The following IFT80 variants were observed in gnomAD, a reference collection of about 807,000 sequenced individuals.
The protein encoded by IFT80 is intraflagellar transport 80.
A neutral mutation model predicts 107.9 loss-of-function variants in IFT80; 79 were observed. That is an observed-to-expected ratio of 0.73 (90% CI 0.61 to 0.88). IFT80 has a LOEUF of 0.88. Among genes scored for constraint, IFT80 ranks in the 40% least tolerant of loss-of-function variants. The pLI is 0.00. For missense variants in IFT80, 797 were observed against 914.2 expected (o/e 0.87, Z 1.65); for synonymous variants, 299 against 300.9 (o/e 0.99, Z 0.07).
At chr3:160,326,648 T>A (rs1443108117) in intron 8 of IFT80, among the ~76,000 whole-genome samples, 1 of 152,010 alleles carries the variant, frequency 6.6e-6, no homozygotes, top group African/African-American at 2.4e-5. Context: ...AAACTCTCAA[T>A]AAACTAGGTA....
intron 2 of IFT80, among the ~76,000 whole-genome samples, chr3:160,382,193 G>A (rs1005214751): frequency 2.6e-5 from 4 of 152,086 alleles, no homozygotes; most frequent in East Asian, 1.9e-4. Flanking sequence ...AAATAATCAA[G>A]TGTCAAAACA....
At chr3:160,292,451 T>C (rs73875253) in intron 12 of IFT80, among the ~76,000 whole-genome samples, 2,172 of 150,892 alleles carry the variant, frequency 0.014, 52 homozygotes, top group African/African-American at 0.05. Context: ...CAAAGAGATA[T>C]AGATTCCTGC....
intron 9 of IFT80, among the ~76,000 whole-genome samples, chr3:160,312,749 A>AAT (rs1177860013): frequency 2.3e-5 from 1 of 43,076 alleles, no homozygotes; most frequent in East Asian, 9.2e-4. Flanking sequence ...ATAAATATAT[A>AAT]ATATATATAT....
At chr3:160,378,023 T>A (rs191281075) in intron 3 of IFT80, 1 of 152,832 alleles carries the variant, frequency 6.5e-6, no homozygotes, top group East Asian at 1.9e-4. Context: ...CTCTCTGACA[T>A]CTCTTATATA....
intron 19 of IFT80, among the ~76,000 whole-genome samples, chr3:160,259,398 T>A (rs920853685): frequency 6.6e-6 from 1 of 152,138 alleles, no homozygotes; most frequent in Non-Finnish European, 1.5e-5. Context: ...GCTTCACATC[T>A]TATATACTGC....
chr3:160,389,530 T>A (rs1391957493), intron 1 of IFT80, among the ~76,000 whole-genome samples: 3 of 133,590 alleles, frequency 2.2e-5, no homozygotes, highest in African/African-American at 8.5e-5. Context: ...CCTTCCTGTG[T>A]CCATGTGTTC....
At position 160,357,716 on chromosome 3, in the gene IFT80, T is replaced by G. The variant is rs1040173484; in HGVS notation, c.550-138A>C. On this transcript the variant is annotated intron_variant, in intron 6 of 19. Coordinates refer to ENST00000326448, the MANE Select transcript of IFT80 (RefSeq NM_020800.3). ...ATTCCTATCTTCCTTTTATAGCCAATGTACAATACCTCATTTGCTTGTTTC... is the reference window on the plus strand; with the variant it reads ...ATTCCTATCTTCCTTTTATAGCCAAGGTACAATACCTCATTTGCTTGTTTC... The G allele has an allele frequency of 4.9e-6, 3 of 618,512 alleles. No individual in the cohort carries two copies. The African/African-American group carries it at 5.6e-5, about 11-fold the overall frequency. 38.3% of individuals were successfully genotyped at this position (618,512 alleles called of 1,614,324 possible). A position where few individuals can be genotyped will look rare whatever the true frequency, so the allele number is the denominator to read the frequency against.
At chr3:160,294,877 C>T (rs1048445879) in intron 12 of IFT80, among the ~76,000 whole-genome samples, 2 of 152,094 alleles carry the variant, frequency 1.3e-5, no homozygotes, top group African/African-American at 4.8e-5. Context: ...AAGGCATACA[C>T]GCAAATAAGG....
intron 8 of IFT80, among the ~76,000 whole-genome samples, chr3:160,322,717 T>C (rs1718343459): frequency 2.0e-5 from 3 of 152,184 alleles, no homozygotes; most frequent in Non-Finnish European, 2.9e-5. Flanking sequence ...GACTTTTTAA[T>C]GATTGCCATT....
chr3:160,362,699 T>C (rs1721582042), intron 6 of IFT80, among the ~76,000 whole-genome samples: 2 of 152,108 alleles, frequency 1.3e-5, no homozygotes, highest in Non-Finnish European at 2.9e-5. Context: ...ATCCCTGGGA[T>C]GCAAGGGATT....
rs548291006 is a variant in IFT80, at chr3:160,297,299, T to C, written c.1315+3584A>G. Among the ~76,000 whole-genome samples the C allele has an allele frequency of 3.9e-5, 6 of 152,100 alleles. No individual in the cohort carries two copies. In the South Asian group the frequency reaches 1.2e-3, roughly 31 times the overall value. ...GATTATTTTGATGATTCTCTTTAAGTAATTCTCAAATTACTCCAGCCCAAG... is the reference window on the plus strand; with the variant it reads ...GATTATTTTGATGATTCTCTTTAAGCAATTCTCAAATTACTCCAGCCCAAG... On this transcript the variant is annotated intron_variant, in intron 12 of 19. Coordinates refer to ENST00000326448, the MANE Select transcript of IFT80 (RefSeq NM_020800.3).
chr3:160,380,458 T>A (rs887063278), intron 3 of IFT80, among the ~76,000 whole-genome samples: 6 of 152,122 alleles, frequency 3.9e-5, no homozygotes, highest in Non-Finnish European at 7.4e-5. Context: ...ATACTCACCA[T>A]CATGTTCACC....
rs546111008 is a variant in IFT80 at position 160,304,964 on chromosome 3, T to C, written c.1077-975A>G. ...TTTCTGTGAAGCATTCTGTAAACTCTAAAATACTATATAAATGTAAGCCAT... is the reference window on the plus strand; with the variant it reads ...TTTCTGTGAAGCATTCTGTAAACTCCAAAATACTATATAAATGTAAGCCAT... On this transcript the variant is annotated intron_variant, in intron 10 of 19. Transcript: ENST00000326448. Among the ~76,000 whole-genome samples, 8 of 152,306 alleles carry C rather than the reference T, an allele frequency of 5.3e-5. No individual in the cohort carries two copies. In the South Asian group the frequency reaches 1.4e-3, roughly 28 times the overall value.
chr3:160,381,839 T>A, intron 2 of IFT80, 115 bp from the exon 3 acceptor site: 1 of 816,772 alleles, frequency 1.2e-6, no homozygotes, highest in Non-Finnish European at 2.1e-6. Context: ...TTCAAGATTC[T>A]AAATGTATTT....
intron 1 of IFT80, among the ~76,000 whole-genome samples, chr3:160,398,868 A>C (rs971010294): frequency 2.0e-5 from 3 of 152,202 alleles, no homozygotes; most frequent in African/African-American, 7.2e-5. Context: ...TAAACCTTTC[A>C]CTAGTAACAC....
chr3:160,360,539 C>T (rs1438588954), intron 6 of IFT80, among the ~76,000 whole-genome samples: 1 of 152,068 alleles, frequency 6.6e-6, no homozygotes, highest in East Asian at 1.9e-4. Context: ...AGAGCAACCC[C>T]AAGACACATA....
At position 160,264,168 on chromosome 3, in the gene IFT80, G is replaced by A. The variant is rs556625509; in HGVS notation, c.2223+4245C>T. Among the ~76,000 whole-genome samples, 18 of 151,990 alleles carry A rather than the reference G, an allele frequency of 1.2e-4. No individual in the cohort carries two copies. In the South Asian group the frequency reaches 3.5e-3, roughly 30 times the overall value. ...TCTGTTGCCCAGGTTGGAGTGCAGT[G>A]GCGTGACCTCGGCTCACTGCAACCT... On this transcript the variant is annotated intron_variant, in intron 19 of 19. Coordinates refer to ENST00000326448, the MANE Select transcript of IFT80 (RefSeq NM_020800.3).
intron 19 of IFT80, among the ~76,000 whole-genome samples, chr3:160,264,401 G>A (rs1269776280): frequency 6.7e-6 from 1 of 150,090 alleles, no homozygotes; most frequent in Non-Finnish European, 1.5e-5. Context: ...GAGACTCTGT[G>A]CCTGGCCAGG....
chr3:160,299,208 CCT>C, intron 12 of IFT80: 2 of 1,121,438 alleles, frequency 1.8e-6, no homozygotes, highest in Non-Finnish European at 2.2e-6. Context: ...ATTCTGTTTT[CCT>C]CTTTCTTAGC....
Sources: allele counts gnomAD v4.1 joint callset (sites outside exome capture counted in the v4.1 genomes callset), GRCh38; gene constraint gnomAD v4.1.1; transcripts MANE v1.5; gene names NCBI Gene and HGNC (gene_info 2026-07-23, HGNC 2026-07-21).